The following EYS variants were observed in gnomAD, a reference collection of about 807,000 sequenced individuals.
The protein encoded by EYS is protein eyes shut homolog.
A neutral mutation model predicts 282.1 loss-of-function variants in EYS; 250 were observed. The observed-to-expected ratio is 0.89, with a 90% CI of 0.80 to 0.98. The LOEUF (loss-of-function observed/expected upper bound fraction) is 0.98, where lower values mean the gene tolerates loss of function less well. EYS is among the 50% of genes least tolerant of loss of function. EYS has a pLI of 0.00. For missense variants in EYS, 4,016 were observed against 3,709.0 expected, an observed-to-expected ratio of 1.08 and a Z score of -2.15; for synonymous variants, 1,355 against 1,282.9, an observed-to-expected ratio of 1.06 and a Z score of -1.20.
At chr6:65,284,840 A>C (rs1218655961) in intron 12 of EYS, among the ~76,000 whole-genome samples, 1 of 152,098 alleles carries the variant, frequency 6.6e-6, no homozygotes, top group African/African-American at 2.4e-5. Flanking sequence ...TTGAAGCAAT[A>C]AGCTTAGATC....
chr6:65,320,187 C>CT (rs1769433284), intron 11 of EYS, among the ~76,000 whole-genome samples: 1 of 151,528 alleles, frequency 6.6e-6, no homozygotes, highest in Non-Finnish European at 1.5e-5. Flanking sequence ...TGGATGGGGA[C>CT]TACATGCTGA....
chr6:64,463,040 A>G (rs4111158), intron 26 of EYS, among the ~76,000 whole-genome samples: 6 of 141,584 alleles, frequency 4.2e-5, no homozygotes, highest in Non-Finnish European at 9.0e-5. Flanking sequence ...TTCGCCTCCC[A>G]GGTTCACGCC....
chr6:65,565,800 G>A lies in EYS; in HGVS notation c.-332-69807C>T, dbSNP rs141766602. Among the ~76,000 whole-genome samples the A allele has an allele frequency of 2.6e-4, 39 of 152,130 alleles. No individual in the cohort carries two copies. In the East Asian group the frequency reaches 7.6e-3, roughly 30 times the overall value. ...AGGACTAGTTCATGTCCTTTGTAGG[G>A]ACATGGATGAAGCTGGAAACCATCA... On this transcript the variant is annotated intron_variant, in intron 2 of 42. Transcript: ENST00000503581.
At chr6:63,810,699 T>C (rs562450978) in intron 36 of EYS, among the ~76,000 whole-genome samples, 2 of 152,166 alleles carry the variant, frequency 1.3e-5, no homozygotes, top group Non-Finnish European at 2.9e-5. Flanking sequence ...GAAAACACAC[T>C]CGAGCTAAAC....
chr6:64,028,250 C>A (rs996703448), intron 33 of EYS, among the ~76,000 whole-genome samples: 7 of 152,296 alleles, frequency 4.6e-5, no homozygotes, highest in African/African-American at 1.7e-4. Context: ...CCTGCCCAGT[C>A]CAAATCAGGT....
chr6:65,280,816 G>A (rs1426361234), intron 12 of EYS, among the ~76,000 whole-genome samples: 1 of 149,910 alleles, frequency 6.7e-6, no homozygotes, highest in African/African-American at 2.4e-5. Flanking sequence ...TCAGGAGTTC[G>A]AGACAAGCCT....
chr6:64,122,453 T>C (rs1188369882), intron 31 of EYS, among the ~76,000 whole-genome samples: 1 of 152,126 alleles, frequency 6.6e-6, no homozygotes, highest in Non-Finnish European at 1.5e-5. Flanking sequence ...TGTGAATAAA[T>C]ATACCTAATA....
chr6:65,619,881 GC>G (rs1766399307), intron 2 of EYS, among the ~76,000 whole-genome samples: 1 of 151,040 alleles, frequency 6.6e-6, no homozygotes, highest in Non-Finnish European at 1.5e-5. Flanking sequence ...TGTTGAACCA[GC>G]CTTGCATCCC....
At chr6:65,680,932 G>A (rs943320437) in intron 1 of EYS, among the ~76,000 whole-genome samples, 3 of 151,884 alleles carry the variant, frequency 2.0e-5, no homozygotes, top group Non-Finnish European at 4.4e-5. Context: ...CAGGTTGAAG[G>A]TTCAGTTTCA....
intron 12 of EYS, among the ~76,000 whole-genome samples, chr6:65,284,917 C>A (rs2150278395): frequency 6.6e-6 from 1 of 151,884 alleles, no homozygotes; most frequent in South Asian, 2.1e-4. Context: ...AAGAGGTATT[C>A]TATTTGTAAT....
intron 36 of EYS, among the ~76,000 whole-genome samples, chr6:63,842,371 CT>C (rs915649935): frequency 6.6e-6 from 1 of 152,174 alleles, no homozygotes; most frequent in African/African-American, 2.4e-5. Context: ...TGATGATGAG[CT>C]TTTTTTCATA....
intron 12 of EYS, among the ~76,000 whole-genome samples, chr6:65,281,736 G>T (rs1020030233): frequency 6.6e-6 from 1 of 152,088 alleles, no homozygotes; most frequent in Admixed American, 6.6e-5. Flanking sequence ...GGTATGGATT[G>T]AATACTAATG....
intron 11 of EYS, among the ~76,000 whole-genome samples, chr6:65,302,046 G>T (rs1241590362): frequency 6.6e-6 from 1 of 152,194 alleles, no homozygotes; most frequent in African/African-American, 2.4e-5. Flanking sequence ...TATGGAAGAT[G>T]GATTTTTTTT....
At chr6:64,956,850 G>T (rs1214915410) in intron 14 of EYS, among the ~76,000 whole-genome samples, 1 of 152,120 alleles carries the variant, frequency 6.6e-6, no homozygotes, top group Non-Finnish European at 1.5e-5. Context: ...TAACATCACT[G>T]ATTATCAGAG....
chr6:65,178,504 G>A (rs1765287041), intron 12 of EYS, among the ~76,000 whole-genome samples: 2 of 151,976 alleles, frequency 1.3e-5, no homozygotes, highest in South Asian at 4.1e-4. Context: ...TCAACAAGAA[G>A]AGCTAACTAT....
At chr6:65,473,239 A>C (rs1288479102) in intron 5 of EYS, among the ~76,000 whole-genome samples, 1 of 152,116 alleles carries the variant, frequency 6.6e-6, no homozygotes, top group Admixed American at 6.5e-5. Context: ...GATAAATTTG[A>C]TATGTCATTT....
chr6:65,633,693 C>T (rs539133402), intron 2 of EYS, among the ~76,000 whole-genome samples: 16 of 152,264 alleles, frequency 1.1e-4, no homozygotes, highest in Admixed American at 1.0e-3. Context: ...AAATACCTAC[C>T]CTCAAAGCCA....
chr6:64,273,495 G>A (rs2150358313), intron 30 of EYS, among the ~76,000 whole-genome samples: 1 of 151,574 alleles, frequency 6.6e-6, no homozygotes, highest in East Asian at 1.9e-4. Flanking sequence ...TCCCTTTATG[G>A]AGTGTTTGTA....
intron 33 of EYS, among the ~76,000 whole-genome samples, chr6:64,010,178 A>C (rs528032702): frequency 1.3e-5 from 2 of 152,138 alleles, no homozygotes; most frequent in East Asian, 3.9e-4. Flanking sequence ...GGTGAAGGGG[A>C]GCTGGCCAAA....
Sources: allele counts gnomAD v4.1 joint callset (sites outside exome capture counted in the v4.1 genomes callset), GRCh38; gene constraint gnomAD v4.1.1; transcripts MANE v1.5; gene names NCBI Gene and HGNC (gene_info 2026-07-23, HGNC 2026-07-21).